The following XRCC6 variants were observed in gnomAD, a reference collection of about 807,000 sequenced individuals.
XRCC6 encodes DNA repair protein Ku70.
Under a neutral mutation model 65.7 loss-of-function variants are expected in XRCC6, and 5 were observed. The ratio of observed to expected loss-of-function variants is 0.08; its 90% CI spans 0.04 to 0.16. The LOEUF is 0.16. Among genes scored for constraint, XRCC6 ranks in the 10% least tolerant of loss-of-function variants. XRCC6 has a pLI of 1.00. For synonymous variants in XRCC6, 270 were observed against 270.6 expected (o/e 1.00, Z 0.02); for missense variants, 447 against 738.1 (o/e 0.61, Z 4.57).
At position 41,663,924 on chromosome 22, in the gene XRCC6, A is replaced by C; in HGVS notation, c.*109A>C. The C allele has an allele frequency of 4.1e-6, 5 of 1,215,814 alleles. No homozygotes were observed. The South Asian group carries it at 6.0e-5, about 15-fold the overall frequency. The allele number at this position is 1,215,814 out of a possible 1,614,324, so 75.3% of individuals were successfully genotyped here. ...CTGAGCTAGGAAGAGTCTACCCGAC[A>C]TAAGTCGAGGGACTTTATGTTTTTG... On this transcript the variant is annotated 3_prime_UTR_variant, in exon 13 of 13. Transcript: ENST00000360079.
intron 2 of XRCC6, 132 bp from the exon 3 acceptor site, chr22:41,627,986 T>C: frequency 1.9e-6 from 1 of 534,994 alleles, no homozygotes; most frequent in Non-Finnish European, 3.2e-6. Flanking sequence ...CTGACATAGG[T>C]GGAGATTTTA....
rs530765067 is a variant in XRCC6, at chr22:41,624,698, TAATAA to T, written c.82+2620_82+2624del. Among the ~76,000 whole-genome samples the T allele has an allele frequency of 1.4e-4, 16 of 113,132 alleles. No individual in the cohort carries two copies. The South Asian group carries it at 2.8e-3, about 20-fold the overall frequency. The allele number at this position is 113,132 out of a possible 152,430, so 74.2% of individuals were successfully genotyped here. ...GTGAGACTCTGTCTCAAAAAAATAA[TAATAA>T]AATAAAAAATAAGGCCGGGCGCGGT... On this transcript the variant is annotated intron_variant, in intron 2 of 12. Transcript: ENST00000360079.
At chr22:41,632,826 GAAAAAAA>G (rs774575798) in intron 3 of XRCC6, among the ~76,000 whole-genome samples, 1 of 130,060 alleles carries the variant, frequency 7.7e-6, no homozygotes, top group Non-Finnish European at 1.7e-5. Flanking sequence ...CTGTCTCTTG[GAAAAAAA>G]AAAAAAAAGA....
chr22:41,622,100 G>A lies in XRCC6; in HGVS notation c.82+14G>A. The A allele has an allele frequency of 6.2e-7, 1 of 1,613,854 alleles. No individual in the cohort carries two copies. The highest frequency in any genetic ancestry group is 8.5e-7 in the Non-Finnish European group (1 of 1,179,716). ...TTGAAGCAAGTGGTAAGTGACTTCA[G>A]CATGTAGTGCCATTCGGTGTGTGGA... On this transcript the variant is annotated intron_variant, in intron 2 of 12. Transcript: ENST00000360079.
At chr22:41,654,637 A>G (rs2068028728) in intron 9 of XRCC6, among the ~76,000 whole-genome samples, 1 of 152,204 alleles carries the variant, frequency 6.6e-6, no homozygotes, top group Admixed American at 6.5e-5. Flanking sequence ...CTGAACTAAA[A>G]TCAGCCTGAT....
At chr22:41,653,237 C>T (rs953734894) in intron 8 of XRCC6, among the ~76,000 whole-genome samples, 1 of 151,916 alleles carries the variant, frequency 6.6e-6, no homozygotes, top group Admixed American at 6.6e-5. Flanking sequence ...TACTTTGTCT[C>T]TACAAAAAAT....
chr22:41,654,258 G>A (rs991874924), intron 9 of XRCC6, among the ~76,000 whole-genome samples: 2 of 152,146 alleles, frequency 1.3e-5, no homozygotes, highest in Non-Finnish European at 2.9e-5. Flanking sequence ...AAAGATGGGC[G>A]TTCTGGAGCA....
intron 11 of XRCC6, among the ~76,000 whole-genome samples, chr22:41,660,031 C>T (rs897884483): frequency 6.6e-6 from 1 of 152,224 alleles, no homozygotes; most frequent in East Asian, 1.9e-4. Context: ...GATTGGGAGC[C>T]AGTGCTCTTG....
chr22:41,657,386 T>A (rs185003120), intron 10 of XRCC6, among the ~76,000 whole-genome samples: 1 of 151,986 alleles, frequency 6.6e-6, no homozygotes, highest in Non-Finnish European at 1.5e-5. Flanking sequence ...AAAGAATGAT[T>A]AAGTAATTCA....
intron 2 of XRCC6, among the ~76,000 whole-genome samples, chr22:41,627,035 C>T (rs1052091182): frequency 2.5e-4 from 38 of 152,252 alleles, no homozygotes; most frequent in Admixed American, 2.2e-3. Flanking sequence ...CTTGGTCTCC[C>T]AAAGTGTTGG....
At chr22:41,649,162 A>ATG (rs1169907696) in intron 7 of XRCC6, among the ~76,000 whole-genome samples, 2 of 137,772 alleles carry the variant, frequency 1.5e-5, no homozygotes, top group South Asian at 2.3e-4. Context: ...ATATATATAT[A>ATG]TGTATGTATG....
At chr22:41,648,399 T>G (rs1247341739) in intron 7 of XRCC6, among the ~76,000 whole-genome samples, 2 of 152,122 alleles carry the variant, frequency 1.3e-5, no homozygotes, top group Non-Finnish European at 2.9e-5. Context: ...GAAAATACTT[T>G]ATAGTTAATT....
At position 41,647,092 on chromosome 22, in the gene XRCC6, G is replaced by A. The variant is rs150667139; in HGVS notation, c.960+10G>A. 5.2e-3 allele frequency: 8,439 copies of A among 1,612,638 alleles called. 38 individuals carry two copies. Among genetic ancestry groups the A allele is most frequent in the Middle Eastern group, 0.014 (87 of 6,054 alleles). Reference sequence around the variant, plus strand: ...TACCAAGAGGTCTCAGGTAGGTAGAGATGCCTTTTGTTGTTGTTGTTTTTG... The same window carrying A: ...TACCAAGAGGTCTCAGGTAGGTAGAAATGCCTTTTGTTGTTGTTGTTTTTG... On this transcript the variant is annotated intron_variant, in intron 7 of 12. Transcript: ENST00000360079.
rs755007926 is a variant in XRCC6 at position 41,636,180 on chromosome 22, A to G, written c.263A>G (p.Tyr88Cys). The G allele has an allele frequency of 2.2e-4, 350 of 1,608,870 alleles. No individual in the cohort carries two copies. The highest frequency in any genetic ancestry group is 2.9e-4 in the Non-Finnish European group (336 of 1,178,578). Residue 88 changes from tyrosine (Y) to cysteine (C), a missense_variant, in exon 4 of 13, where the codon TAT (tyrosine) becomes TGT (cysteine). Tyr to Cys is a radical substitution (Grantham distance 194, BLOSUM62 -2). Around this residue, in one of 4 missense-constraint regions of XRCC6, gnomAD observed 228 missense variants for 307.4 expected, o/e 0.74. Transcript: ENST00000360079. Reference sequence around the variant, plus strand: ...CGAGATCTCTTGGCTGTGGTGTTCTATGGTACCGAGAAAGACAAAAATTCA... The same window carrying G: ...CGAGATCTCTTGGCTGTGGTGTTCTGTGGTACCGAGAAAGACAAAAATTCA... ...SDRDLLAVVFYGTEKDKNSVN... is the reference protein window; with the variant it reads ...SDRDLLAVVFCGTEKDKNSVN...
chr22:41,655,481 C>T (rs564304379), intron 9 of XRCC6, among the ~76,000 whole-genome samples: 2 of 151,312 alleles, frequency 1.3e-5, no homozygotes, highest in South Asian at 2.1e-4. Flanking sequence ...GCCAAGGTGG[C>T]GGATCACGAT....
At chr22:41,643,787 C>T (rs12484126) in intron 6 of XRCC6, among the ~76,000 whole-genome samples, 7 of 151,244 alleles carry the variant, frequency 4.6e-5, no homozygotes, top group Admixed American at 4.6e-4. Flanking sequence ...CGCCACTGCA[C>T]TCCACCCTAG....
chr22:41,658,439 G>A lies in XRCC6; in HGVS notation c.1522+87G>A, dbSNP rs975096171. On this transcript the variant is annotated intron_variant, in intron 11 of 12. Coordinates refer to ENST00000360079, the MANE Select transcript of XRCC6 (RefSeq NM_001469.5). ...ACCAGTAATTTGGGTGCATTTCCCA[G>A]TCCTCTCTAAACACTTAACCTCATT... 6.3e-6 allele frequency: 8 copies of A among 1,274,076 alleles called. No homozygotes were observed. In the Admixed American group the frequency reaches 1.1e-4, roughly 18 times the overall value. The allele number at this position is 1,274,076 out of a possible 1,614,324, so 78.9% of individuals were successfully genotyped here. A position where few individuals can be genotyped will look rare whatever the true frequency, so the allele number is the denominator to read the frequency against.
At chr22:41,651,969 A>G (rs1462487755) in intron 8 of XRCC6, among the ~76,000 whole-genome samples, 2 of 151,978 alleles carry the variant, frequency 1.3e-5, no homozygotes, top group Non-Finnish European at 2.9e-5. Context: ...TTTTTAGTAG[A>G]GATGGGGTTT....
chr22:41,645,688 A>G (rs891904973), intron 6 of XRCC6, among the ~76,000 whole-genome samples: 1 of 146,192 alleles, frequency 6.8e-6, no homozygotes, highest in Non-Finnish European at 1.5e-5. Context: ...ATGGGGCTTT[A>G]TTCTTTCTTC....
Sources: gnomAD v4.1 joint callset for allele counts (sites outside exome capture counted in the v4.1 genomes callset) on GRCh38, gnomAD v4.1.1 for gene constraint, gnomAD v4.1.1 regional missense constraint, MANE v1.5 for transcripts, NCBI Gene and HGNC (gene_info 2026-07-23, HGNC 2026-07-21) for gene names.